ATP1B4: variants seen among roughly 807,000 people sequenced by gnomAD.
ATP1B4 encodes protein ATP1B4.
ATP1B4 carries 32 observed loss-of-function variants against 29.6 expected under a neutral mutation model. The ratio of observed to expected loss-of-function variants is 1.08; its 90% CI spans 0.82 to 1.45. The LOEUF is 1.45. Ranked by LOEUF, ATP1B4 falls within the 40% of genes most tolerant of loss-of-function variation. The pLI is 0.00. For missense variants in ATP1B4, 323 were observed against 276.2 expected (o/e 1.17, Z -1.20); for synonymous variants, 127 against 102.1 (o/e 1.24, Z -1.47).
chrX:120,367,668 G>T (rs1024815240), intron 2 of ATP1B4, among the ~76,000 whole-genome samples: 2 of 111,596 alleles, frequency 1.8e-5, no homozygotes, highest in Non-Finnish European at 3.8e-5. Flanking sequence ...GGATGCCAAG[G>T]ATGAAATAAC....
At chrX:120,374,301 G>A (rs1325487787) in intron 4 of ATP1B4, among the ~76,000 whole-genome samples, 5 of 107,455 alleles carry the variant, frequency 4.7e-5, no homozygotes, top group African/African-American at 1.4e-4. Context: ...TGGATCCATT[G>A]CCAGGTCGGG....
At chrX:120,373,658 A>G (rs2058325274) in intron 4 of ATP1B4, among the ~76,000 whole-genome samples, 1 of 112,196 alleles carries the variant, frequency 8.9e-6, no homozygotes, top group African/African-American at 3.2e-5. Context: ...TTACCTCACA[A>G]ATAGCCCTTT....
chrX:120,374,078 G>C (rs936253422), intron 4 of ATP1B4, among the ~76,000 whole-genome samples: 3 of 111,458 alleles, frequency 2.7e-5, no homozygotes, highest in Non-Finnish European at 5.7e-5. Flanking sequence ...GATTTATCAA[G>C]ACAGGGGTAT....
chrX:120,376,394 T>C lies in ATP1B4; in HGVS notation c.774T>C (p.Arg258=). The change falls in exon 6 of 8, where the codon CGT becomes CGC. Residue 258 remains arginine, a synonymous_variant. Transcript: ENST00000218008. ...TCTTTTGATAGATTGTAGGCTTTCG[T>C]CCTGAGCTTGGAGATCCTGTGAAGG... ...LLKMNRIVGF[R]PELGDPVKVS... The C allele has an allele frequency of 8.3e-7, 1 of 1,211,035 alleles. No homozygotes were observed. The highest frequency in any genetic ancestry group is 1.1e-6 in the Non-Finnish European group (1 of 894,882).
chrX:120,375,519 C>G lies in ATP1B4; in HGVS notation c.710C>G (p.Thr237Ser), dbSNP rs965721901. 5 of 1,208,823 alleles carry G rather than the reference C, an allele frequency of 4.1e-6. No individual in the cohort carries two copies. The highest frequency in any genetic ancestry group is 2.2e-5 in the Admixed American group (1 of 45,570). Residue 237 changes from threonine (T) to serine (S), a missense_variant, in exon 5 of 8, where the codon ACT (threonine) becomes AGT (serine). Physicochemically the swap from Thr to Ser is moderately conservative, Grantham distance 58. Coordinates refer to ENST00000218008, the MANE Select transcript of ATP1B4 (RefSeq NM_001142447.3). Reference sequence around the variant, plus strand: ...AACTGCTCTGGTCTGGAGGACCCAACTTTTGGATACTCTACTGGACAGCCC... The same window carrying G: ...AACTGCTCTGGTCTGGAGGACCCAAGTTTTGGATACTCTACTGGACAGCCC... ...LKNCSGLEDPTFGYSTGQPCI... is the reference protein window; with the variant it reads ...LKNCSGLEDPSFGYSTGQPCI...
intron 5 of ATP1B4, among the ~76,000 whole-genome samples, chrX:120,376,070 T>C (rs1423308698): frequency 1.8e-5 from 2 of 111,858 alleles, no homozygotes; most frequent in African/African-American, 6.5e-5. Context: ...TGTCATGACT[T>C]AGGTGTGGCA....
chrX:120,374,251 T>G (rs6646669), intron 4 of ATP1B4, among the ~76,000 whole-genome samples: 1 of 107,491 alleles, frequency 9.3e-6, no homozygotes, highest in Non-Finnish European at 1.9e-5. Flanking sequence ...AGAGTCGGCC[T>G]CCAGCCCAAG....
At position 120,374,583 on chromosome X, in the gene ATP1B4, AATATATATATACCCTTATATATAATAT is replaced by A. The variant is rs1188290957; in HGVS notation, c.563-781_563-755del. On this transcript the variant is annotated intron_variant, in intron 4 of 7. Transcript: ENST00000218008. Reference sequence around the variant, plus strand: ...ATAATATATATATACCCTTATATATAATATATATATACCCTTATATATAATATATATATACCCTTATATATAATATAA... The same window carrying A: ...ATAATATATATATACCCTTATATATAATATATACCCTTATATATAATATAA... 1.1e-3 allele frequency among the ~76,000 whole-genome samples: 52 copies of A among 48,247 alleles called. 1 individual carries two copies. Among genetic ancestry groups the A allele is most frequent in the African/African-American group, 2.1e-3 (29 of 13,566 alleles). The allele number at this position is 48,247 out of a possible 115,157, so 41.9% of individuals were successfully genotyped here.
At position 120,366,796 on chromosome X, in the gene ATP1B4, C is replaced by CCCAATAGTCCCAATGCCAAAGTCTGGTGT; in HGVS notation, c.328+10_328+38dup. The CCCAATAGTCCCAATGCCAAAGTCTGGTGT allele has an allele frequency of 8.3e-7, 1 of 1,200,089 alleles. No individual in the cohort carries two copies. The highest frequency in any genetic ancestry group is 3.0e-5 in the East Asian group (1 of 33,590). On this transcript the variant is annotated splice_region_variant and intron_variant, in intron 2 of 7. Transcript: ENST00000218008. ...CGAACAGGTCAGAGTTGGAGTAAGT[C>CCCAATAGTCCCAATGCCAAAGTCTGGTGT]CCAATAGTCCCAATGCCAAAGTCTG...
At chrX:120,363,050 T>C (rs1445124226) in intron 1 of ATP1B4, among the ~76,000 whole-genome samples, 2 of 112,601 alleles carry the variant, frequency 1.8e-5, no homozygotes, top group African/African-American at 6.5e-5. Context: ...TATTTTGCTA[T>C]AAGTCATTAA....
In ATP1B4 at chrX:120,362,105, G is replaced by A. The variant is rs963521894; in HGVS notation, c.-64G>A. The A allele has an allele frequency of 1.9e-6, 2 of 1,047,187 alleles. No homozygotes were observed. The highest frequency in any genetic ancestry group is 1.3e-6 in the Non-Finnish European group (1 of 749,471). The allele number at this position is 1,047,187 out of a possible 1,213,427, so 86.3% of individuals were successfully genotyped here. A position where few individuals can be genotyped will look rare whatever the true frequency, so the allele number is the denominator to read the frequency against. Reference sequence around the variant, plus strand: ...CCAGCAACCAGTGTCTCCTGTACCAGCAGAAGCTCCAGAACTCTCACCCGA... The same window carrying A: ...CCAGCAACCAGTGTCTCCTGTACCAACAGAAGCTCCAGAACTCTCACCCGA... On this transcript the variant is annotated 5_prime_UTR_variant, in exon 1 of 8. Coordinates refer to ENST00000218008, the MANE Select transcript of ATP1B4 (RefSeq NM_001142447.3).
At position 120,379,478 on chromosome X, in the gene ATP1B4, C is replaced by T; in HGVS notation, c.918C>T (p.Asn306=). The change falls in exon 8 of 8, where the codon AAC becomes AAT. Residue 306 remains asparagine (N), a synonymous_variant. Coordinates refer to ENST00000218008, the MANE Select transcript of ATP1B4 (RefSeq NM_001142447.3). ...YPYYGKLTHV[N]YTSPLVAMHF... ...CATTTTTCTTCTACCTGCAGGTTAA[C>T]TACACATCCCCCTTGGTGGCAATGC... 8.3e-7 allele frequency: 1 copy of T among 1,205,085 alleles called. No individual in the cohort carries two copies. The highest frequency in any genetic ancestry group is 1.1e-6 in the Non-Finnish European group (1 of 892,862).
In ATP1B4 at chrX:120,382,827, T is replaced by C. The variant is rs990667267; in HGVS notation, c.*3193T>C. On this transcript the variant is annotated 3_prime_UTR_variant, in exon 8 of 8. Coordinates refer to ENST00000218008, the MANE Select transcript of ATP1B4 (RefSeq NM_001142447.3). ...ACAATTGCAAAGCAATATTGAAGGG[T>C]ACTAAGATAGTTTGGGTTGTCAGCT... 8.9e-6 allele frequency: 1 copy of C among 112,262 alleles called. No individual in the cohort carries two copies. The highest frequency in any genetic ancestry group is 3.2e-5 in the African/African-American group (1 of 30,884). The allele number at this position is 112,262 out of a possible 1,213,427, so 9.3% of individuals were successfully genotyped here. A position where few individuals can be genotyped will look rare whatever the true frequency, so the allele number is the denominator to read the frequency against.
chrX:120,377,556 A>T (rs2058362552), intron 6 of ATP1B4, among the ~76,000 whole-genome samples: 2 of 111,990 alleles, frequency 1.8e-5, no homozygotes, highest in South Asian at 7.4e-4. Flanking sequence ...ATAAAGACCA[A>T]CTTAGTCTTA....
At position 120,366,448 on chromosome X, in the gene ATP1B4, G is replaced by T. The variant is rs1391114583; in HGVS notation, c.64-77G>T. On this transcript the variant is annotated intron_variant, in intron 1 of 7. Coordinates refer to ENST00000218008, the MANE Select transcript of ATP1B4 (RefSeq NM_001142447.3). The stretch of plus-strand genomic sequence containing the variant: ...GCATCTCCAAATATTGAGTCATTTC[G>T]ATTTATTTTTGGCTGGTGGGATGCA... 4 of 1,088,093 alleles carry T rather than the reference G, an allele frequency of 3.7e-6. No homozygotes were observed. The South Asian group carries it at 6.8e-5, about 18-fold the overall frequency. The allele number at this position is 1,088,093 out of a possible 1,213,427, so 89.7% of individuals were successfully genotyped here.
In ATP1B4 at chrX:120,370,711, G is replaced by A. The variant is rs759692752; in HGVS notation, c.329-4G>A. 5.8e-6 allele frequency: 7 copies of A among 1,210,201 alleles called. No homozygotes were observed. In the South Asian group the frequency reaches 1.2e-4, roughly 21 times the overall value. The stretch of plus-strand genomic sequence containing the variant: ...GACCACTCTCATCTGTGATTGCTCT[G>A]CAGGCCTGATCTTACTCATTTACTT... On this transcript the variant is annotated splice_polypyrimidine_tract_variant and splice_region_variant and intron_variant, in intron 2 of 7. Transcript: ENST00000218008.
At position 120,375,444 on chromosome X, in the gene ATP1B4, A is replaced by C. The variant is rs138401311; in HGVS notation, c.635A>C (p.Asn212Thr). 3.3e-6 allele frequency: 4 copies of C among 1,208,455 alleles called. No individual in the cohort carries two copies. The African/African-American group carries it at 7.0e-5, about 21-fold the overall frequency. The change falls in exon 5 of 8, where the codon AAT (asparagine) becomes ACT (threonine). Residue 212 changes from asparagine (N) to threonine (T), a missense_variant. Transcript: ENST00000218008. The stretch of plus-strand genomic sequence containing the variant: ...GGGCAGTACTTCATCCAAGATGGCA[A>C]TGAGGATGAGGACAAGAAGGCCTGC... ...PPGQYFIQDG[N>T]EDEDKKACQF...
At position 120,366,641 on chromosome X, in the gene ATP1B4, A is replaced by AGAAGAGGAG. The variant is rs2058287783; in HGVS notation, c.193_201dup (p.Glu65_Glu67dup). ...AGGAGGAGGAAGAAGAGGAGGAGAA[A>AGAAGAGGAG]GAAGAGGAGGAAGAGGAGGAAAAGG... On this transcript the variant is annotated inframe_insertion, in exon 2 of 8. Coordinates refer to ENST00000218008, the MANE Select transcript of ATP1B4 (RefSeq NM_001142447.3). The AGAAGAGGAG allele has an allele frequency of 1.7e-6, 2 of 1,208,398 alleles. No homozygotes were observed. The highest frequency in any genetic ancestry group is 2.2e-6 in the Non-Finnish European group (2 of 892,877).
chrX:120,366,413 G>T, intron 1 of ATP1B4, 112 bp from the exon 2 acceptor site: 1 of 892,983 alleles, frequency 1.1e-6, no homozygotes, highest in Non-Finnish European at 1.6e-6. Context: ...TGGGAAAGTG[G>T]AAATTTGAAG....
Sources: gnomAD v4.1 joint callset for allele counts (sites outside exome capture counted in the v4.1 genomes callset) on GRCh38, gnomAD v4.1.1 for gene constraint, MANE v1.5 for transcripts, NCBI Gene and HGNC (gene_info 2026-07-23, HGNC 2026-07-21) for gene names.